Variants in DCAF12 observed in about 807,000 individuals in gnomAD.
DCAF12 encodes the protein DDB1 and CUL4 associated factor 12.
Under a neutral mutation model 52.8 loss-of-function variants are expected in DCAF12, and 28 were observed. That is an observed-to-expected ratio of 0.53 (90% CI 0.39 to 0.73). The LOEUF is 0.73. Among genes scored for constraint, DCAF12 ranks in the 30% least tolerant of loss-of-function variants. The pLI is 0.00. For missense variants in DCAF12, 425 were observed against 552.2 expected, an observed-to-expected ratio of 0.77 and a Z score of 2.31; for synonymous variants, 196 against 215.5, an observed-to-expected ratio of 0.91 and a Z score of 0.79.
At chr9:34,115,798 A>C (rs1829079605) in intron 2 of DCAF12, among the ~76,000 whole-genome samples, 1 of 151,918 alleles carries the variant, frequency 6.6e-6, no homozygotes, top group Admixed American at 6.6e-5. Context: ...TTGTAATAAA[A>C]CCCACCTGGG....
At chr9:34,117,440 G>A (rs1292333586) in intron 2 of DCAF12, among the ~76,000 whole-genome samples, 3 of 151,400 alleles carry the variant, frequency 2.0e-5, no homozygotes, top group African/African-American at 4.8e-5. Context: ...GTGAGCCACC[G>A]CGCCCGGCCT....
At chr9:34,119,462 C>G (rs1445293464) in intron 2 of DCAF12, among the ~76,000 whole-genome samples, 2 of 152,130 alleles carry the variant, frequency 1.3e-5, no homozygotes, top group African/African-American at 4.8e-5. Context: ...TTTCATTAAA[C>G]GTACTGAATT....
intron 2 of DCAF12, among the ~76,000 whole-genome samples, chr9:34,113,090 G>T (rs1253691937): frequency 1.3e-5 from 2 of 151,966 alleles, no homozygotes; most frequent in Non-Finnish European, 2.9e-5. Context: ...CATTCTTGTT[G>T]CCCAGGCTGG....
chr9:34,095,372 CTTTTTTTTTTT>C (rs36066422), intron 6 of DCAF12, among the ~76,000 whole-genome samples: 7 of 78,170 alleles, frequency 9.0e-5, no homozygotes, highest in Admixed American at 1.7e-4. Flanking sequence ...CGCGCCAGGC[CTTTTTTTTTTT>C]TTTTTTTTTT....
chr9:34,117,401 C>T (rs533270916), intron 2 of DCAF12, among the ~76,000 whole-genome samples: 70 of 151,852 alleles, frequency 4.6e-4, no homozygotes, highest in African/African-American at 1.6e-3. Context: ...CTGCCTGCCT[C>T]GGCCGGCCAA....
intron 7 of DCAF12, 65 bp downstream of exon 7, chr9:34,093,221 A>G: frequency 6.3e-7 from 1 of 1,588,772 alleles, no homozygotes; most frequent in Non-Finnish European, 8.6e-7. Context: ...ACCAACAAAG[A>G]AACTGAAAGT....
chr9:34,098,563 A>T (rs199596213), intron 4 of DCAF12, 46 bp from the exon 5 acceptor site: 1 of 1,563,732 alleles, frequency 6.4e-7, no homozygotes, highest in East Asian at 2.3e-5. Flanking sequence ...CCACCCCTCT[A>T]TGGGAAATCC....
In DCAF12 at chr9:34,088,508, T is replaced by C; in HGVS notation, c.1204A>G (p.Asn402Asp). 6.2e-7 allele frequency: 1 copy of C among 1,614,136 alleles called. No homozygotes were observed. Among genetic ancestry groups the C allele is most frequent in the Non-Finnish European group, 8.5e-7 (1 of 1,179,994 alleles). ...TAATTCCTCCAGGTTTCATCATGATTCTACGGGAAGAGAAAGAGACTACAA... is the reference window on the plus strand; with the variant it reads ...TAATTCCTCCAGGTTTCATCATGATCCTACGGGAAGAGAAAGAGACTACAA... The part of the protein sequence containing the change: ...LKLTTGKGWL[N>D]HDETWRNYFS... Residue 402 changes from asparagine to aspartate, a missense_variant and splice_region_variant, in exon 9 of 9, where the codon AAT (asparagine) becomes GAT (aspartate). Asn to Asp is a conservative substitution (Grantham distance 23). Around this residue, in one of 3 missense-constraint regions of DCAF12, gnomAD observed 328 missense variants for 444.4 expected, o/e 0.74. Transcript: ENST00000361264.
intron 2 of DCAF12, among the ~76,000 whole-genome samples, chr9:34,123,232 C>T (rs1161070662): frequency 6.6e-6 from 1 of 152,210 alleles, no homozygotes; most frequent in African/African-American, 2.4e-5. Flanking sequence ...TCTCCCACCT[C>T]TGAAATCTTC....
At chr9:34,116,183 C>T (rs1248598528) in intron 2 of DCAF12, among the ~76,000 whole-genome samples, 1 of 151,116 alleles carries the variant, frequency 6.6e-6, no homozygotes, top group Non-Finnish European at 1.5e-5. Flanking sequence ...CATGGCAAAC[C>T]CTGTCTCTAC....
intron 4 of DCAF12, among the ~76,000 whole-genome samples, chr9:34,105,823 A>C (rs1230187944): frequency 1.4e-5 from 2 of 145,384 alleles, no homozygotes. Flanking sequence ...ATCTCAGCTC[A>C]CTGCAACCTC....
chr9:34,096,760 C>T lies in DCAF12; in HGVS notation c.817G>A (p.Asp273Asn). Residue 273 changes from aspartate to asparagine, a missense_variant, in exon 6 of 9, where the codon GAT (aspartate) becomes AAT (asparagine). Physicochemically the swap from Asp to Asn is conservative, Grantham distance 23. Transcript: ENST00000361264. ...GCCTTCCAGAGATGAAAGTAGCCATCCAGAGACACTGCTCCCAGTTCCTAC... is the reference window on the plus strand; with the variant it reads ...GCCTTCCAGAGATGAAAGTAGCCATTCAGAGACACTGCTCCCAGTTCCTAC... ...KNKELGAVSL[D>N]GYFHLWKAEN... 3 of 1,614,040 alleles carry T rather than the reference C, an allele frequency of 1.9e-6. No homozygotes were observed. Among genetic ancestry groups the T allele is most frequent in the Non-Finnish European group, 8.5e-7 (1 of 1,180,012 alleles).
intron 6 of DCAF12, among the ~76,000 whole-genome samples, chr9:34,095,575 G>T (rs1828723991): frequency 6.6e-6 from 1 of 151,824 alleles, no homozygotes; most frequent in African/African-American, 2.4e-5. Context: ...TTGTTGCAGA[G>T]ATAGGGTCTT....
At chr9:34,120,564 G>A (rs538563567) in intron 2 of DCAF12, among the ~76,000 whole-genome samples, 21 of 151,526 alleles carry the variant, frequency 1.4e-4, no homozygotes, top group African/African-American at 4.4e-4. Flanking sequence ...CCAGCTAGTC[G>A]GGGGGCTGAG....
At chr9:34,092,192 ATAAAG>A (rs1485046971) in intron 7 of DCAF12, among the ~76,000 whole-genome samples, 4 of 152,354 alleles carry the variant, frequency 2.6e-5, no homozygotes, top group Admixed American at 6.5e-5. Context: ...TATACGACAC[ATAAAG>A]TATACAATTT....
chr9:34,100,770 G>A (rs902575764), intron 4 of DCAF12, among the ~76,000 whole-genome samples: 2 of 151,790 alleles, frequency 1.3e-5, no homozygotes, highest in African/African-American at 4.8e-5. Flanking sequence ...AAAGTGCTGG[G>A]ATTACAGGTA....
intron 2 of DCAF12, 123 bp downstream of exon 2, chr9:34,124,900 G>A (rs1048674127): frequency 3.2e-6 from 4 of 1,252,050 alleles, no homozygotes; most frequent in Middle Eastern, 5.7e-4. Context: ...GGAAAGAATG[G>A]AAAGGAGAGT....
At chr9:34,125,430 A>G (rs573322700) in intron 1 of DCAF12, 153 bp from the exon 2 acceptor site, 7 of 923,252 alleles carry the variant, frequency 7.6e-6, no homozygotes, top group African/African-American at 6.7e-5. Context: ...CAATCCAGAA[A>G]GTCGTTTAAC....
rs777615835 is a variant in DCAF12 at position 34,107,547 on chromosome 9, GGACATCTAC to G, written c.343_351del (p.Val115_Val117del). ...GGGATCTTGGTGATCTGGCTTGTCT[GGACATCTAC>G]GACAAATAGCTACAAGAAAAAATGG... On this transcript the variant is annotated inframe_deletion, in exon 3 of 9. Transcript: ENST00000361264. The G allele has an allele frequency of 1.2e-6, 2 of 1,614,016 alleles. No homozygotes were observed. The highest frequency in any genetic ancestry group is 1.7e-6 in the Non-Finnish European group (2 of 1,180,010).
Sources: allele counts gnomAD v4.1 joint callset (sites outside exome capture counted in the v4.1 genomes callset), GRCh38; gene constraint gnomAD v4.1.1; regional missense constraint gnomAD v4.1.1; transcripts MANE v1.5; gene names NCBI Gene and HGNC (gene_info 2026-07-23, HGNC 2026-07-21).